The following ATRNL1 variants were observed in gnomAD, a reference collection of about 807,000 sequenced individuals.
ATRNL1 encodes the protein attractin-like protein 1.
In ATRNL1, 95 loss-of-function variants were observed where a neutral mutation model predicts 182.7. That is an observed-to-expected ratio of 0.52 (90% CI 0.44 to 0.62). The LOEUF is 0.62. Ranked by LOEUF, ATRNL1 falls within the 20% of genes least tolerant of loss-of-function variation. The probability of loss-of-function intolerance (pLI) is 0.00; values close to 1 mark genes in which losing one functional copy is unlikely to be tolerated. For missense variants in ATRNL1, 1,471 were observed against 1,679.5 expected (o/e 0.88, Z 2.17); for synonymous variants, 576 against 568.3 (o/e 1.01, Z -0.19).
chr10:115,518,779 C>T (rs542980713), intron 24 of ATRNL1, among the ~76,000 whole-genome samples: 8 of 151,832 alleles, frequency 5.3e-5, no homozygotes, highest in Admixed American at 3.9e-4. Context: ...AACTTTTTGG[C>T]TAGTTTCACC....
At chr10:115,534,075 A>G (rs1349943304) in intron 25 of ATRNL1, among the ~76,000 whole-genome samples, 2 of 151,952 alleles carry the variant, frequency 1.3e-5, no homozygotes, top group Admixed American at 6.6e-5. Context: ...AAAAATGTAT[A>G]TTCTGTGGAT....
chr10:115,119,010 T>C (rs1383131530), intron 1 of ATRNL1, among the ~76,000 whole-genome samples: 1 of 152,116 alleles, frequency 6.6e-6, no homozygotes, highest in African/African-American at 2.4e-5. Flanking sequence ...ATTTACTATC[T>C]TATAGGTTTT....
chr10:115,184,787 A>G (rs929050504), intron 8 of ATRNL1, among the ~76,000 whole-genome samples: 20 of 151,930 alleles, frequency 1.3e-4, no homozygotes, highest in Non-Finnish European at 2.2e-4. Flanking sequence ...GAACCCAACT[A>G]TGTTTCAAAT....
chr10:115,637,736 T>G (rs1488145534), intron 26 of ATRNL1, among the ~76,000 whole-genome samples: 1 of 151,650 alleles, frequency 6.6e-6, no homozygotes, highest in Non-Finnish European at 1.5e-5. Context: ...GCAATTCCCC[T>G]GCCTCAGCCT....
chr10:115,714,759 G>A (rs1278615600), intron 26 of ATRNL1, among the ~76,000 whole-genome samples: 1 of 151,422 alleles, frequency 6.6e-6, no homozygotes, highest in Non-Finnish European at 1.5e-5. Flanking sequence ...CATCAACCAA[G>A]AAATAAATGG....
intron 28 of ATRNL1, among the ~76,000 whole-genome samples, chr10:115,876,955 GA>G (rs1555107383): frequency 6.6e-6 from 1 of 152,120 alleles, no homozygotes; most frequent in East Asian, 1.9e-4. Flanking sequence ...CCTTTAAAAG[GA>G]ATAGTAGACA....
intron 26 of ATRNL1, among the ~76,000 whole-genome samples, chr10:115,655,435 C>A (rs1447285180): frequency 1.3e-5 from 2 of 152,060 alleles, no homozygotes; most frequent in African/African-American, 4.8e-5. Flanking sequence ...ATTTTTTCTT[C>A]ATAGATCGAC....
chr10:115,157,797 T>C (rs1846594067), intron 5 of ATRNL1, among the ~76,000 whole-genome samples: 1 of 152,130 alleles, frequency 6.6e-6, no homozygotes, highest in African/African-American at 2.4e-5. Flanking sequence ...GGTTAAGACC[T>C]GGATACCTTT....
In ATRNL1 at chr10:115,246,715, C is replaced by T. The variant is rs1224960096; in HGVS notation, c.1687+4990C>T. Among the ~76,000 whole-genome samples, 5 of 120,610 alleles carry T rather than the reference C, an allele frequency of 4.1e-5. 2 individuals are homozygous for T. The highest frequency in any genetic ancestry group is 1.7e-4 in the African/African-American group (5 of 28,868). 79.1% of individuals were successfully genotyped at this position (120,610 alleles called of 152,430 possible). A position where few individuals can be genotyped will look rare whatever the true frequency, so the allele number is the denominator to read the frequency against. Reference sequence around the variant, plus strand: ...AGCTGGGACTACAGGCGCCCGCCACCGCGCCCGGCTAATTTTTTGTATTTT... The same window carrying T: ...AGCTGGGACTACAGGCGCCCGCCACTGCGCCCGGCTAATTTTTTGTATTTT... On this transcript the variant is annotated intron_variant, in intron 10 of 28. Transcript: ENST00000355044.
chr10:115,474,702 G>A (rs138976255), intron 24 of ATRNL1, among the ~76,000 whole-genome samples: 2 of 151,448 alleles, frequency 1.3e-5, no homozygotes, highest in Admixed American at 6.6e-5. Context: ...AAAATCAAGT[G>A]TTATATAAAC....
chr10:115,381,055 A>G (rs1476887588), intron 19 of ATRNL1, among the ~76,000 whole-genome samples: 7 of 152,100 alleles, frequency 4.6e-5, no homozygotes, highest in African/African-American at 1.7e-4. Context: ...TCTTATCATT[A>G]TCTGTCTTTT....
intron 26 of ATRNL1, among the ~76,000 whole-genome samples, chr10:115,659,056 T>A (rs1406814792): frequency 1.3e-5 from 2 of 152,098 alleles, no homozygotes; most frequent in Non-Finnish European, 2.9e-5. Flanking sequence ...ATGATTTAAT[T>A]GTGATGGGTG....
intron 7 of ATRNL1, among the ~76,000 whole-genome samples, chr10:115,168,070 A>T (rs1273693563): frequency 1.3e-5 from 2 of 152,170 alleles, no homozygotes; most frequent in Non-Finnish European, 2.9e-5. Flanking sequence ...ATTTCATATA[A>T]ATGAAGTCAT....
At chr10:115,290,851 C>G (rs1852867545) in intron 15 of ATRNL1, among the ~76,000 whole-genome samples, 1 of 152,178 alleles carries the variant, frequency 6.6e-6, no homozygotes, top group Admixed American at 6.5e-5. Context: ...CCAGGTGTGT[C>G]ATTTACATAG....
rs149963893 is a variant in ATRNL1, at chr10:115,415,684, C to T, written c.3270-10566C>T. On this transcript the variant is annotated intron_variant, in intron 20 of 28. Coordinates refer to ENST00000355044, the MANE Select transcript of ATRNL1 (RefSeq NM_207303.4). ...AATTAACATCCTTTTTTTACTATAT[C>T]GAAAATTTTATTTTTTACGTTTAGA... Among the ~76,000 whole-genome samples, 48 of 151,432 alleles carry T rather than the reference C, an allele frequency of 3.2e-4. No homozygotes were observed. In the East Asian group the frequency reaches 7.6e-3, roughly 24 times the overall value.
chr10:115,672,505 A>T (rs1361197420), intron 26 of ATRNL1, among the ~76,000 whole-genome samples: 1 of 152,154 alleles, frequency 6.6e-6, no homozygotes, highest in Non-Finnish European at 1.5e-5. Flanking sequence ...AGTGGAAAAC[A>T]TTTCGACTGG....
chr10:115,911,992 C>T (rs782370899), intron 28 of ATRNL1, among the ~76,000 whole-genome samples: 11 of 152,160 alleles, frequency 7.2e-5, no homozygotes, highest in Non-Finnish European at 1.3e-4. Context: ...ACCACTACAC[C>T]ATGCGCTAAC....
intron 13 of ATRNL1, among the ~76,000 whole-genome samples, chr10:115,270,954 C>T (rs2133895340): frequency 6.6e-6 from 1 of 152,134 alleles, no homozygotes; most frequent in Non-Finnish European, 1.5e-5. Context: ...CATAATTCTA[C>T]CTAACATAAT....
At chr10:115,247,558 G>A (rs1850698211) in intron 10 of ATRNL1, among the ~76,000 whole-genome samples, 1 of 152,128 alleles carries the variant, frequency 6.6e-6, no homozygotes, top group South Asian at 2.1e-4. Context: ...GGAACAATGG[G>A]GAAATGTTTT....
Sources: allele counts gnomAD v4.1 joint callset (sites outside exome capture counted in the v4.1 genomes callset), GRCh38; gene constraint gnomAD v4.1.1; transcripts MANE v1.5; gene names NCBI Gene and HGNC (gene_info 2026-07-23, HGNC 2026-07-21).